Variants in IL17RA observed in about 807,000 individuals in gnomAD.
The protein encoded by IL17RA is interleukin-17 receptor A.
IL17RA carries 34 observed loss-of-function variants against 50.4 expected under a neutral mutation model. That is an observed-to-expected ratio of 0.67 (90% CI 0.51 to 0.90). IL17RA has a LOEUF of 0.90. Ranked by LOEUF, IL17RA falls within the 40% of genes least tolerant of loss-of-function variation. The pLI is 0.00. For synonymous variants in IL17RA, 585 were observed against 510.4 expected, an observed-to-expected ratio of 1.15 and a Z score of -1.97; for missense variants, 1,276 against 1,169.8, an observed-to-expected ratio of 1.09 and a Z score of -1.32.
intron 4 of IL17RA, among the ~76,000 whole-genome samples, chr22:17,099,278 G>A (rs2061381195): frequency 1.3e-5 from 2 of 152,138 alleles, no homozygotes; most frequent in African/African-American, 4.8e-5. Flanking sequence ...CCTTCAGGAA[G>A]AAAAAACCGC....
chr22:17,094,677 C>CTATA (rs1568917424), intron 1 of IL17RA, among the ~76,000 whole-genome samples: 2 of 49,346 alleles, frequency 4.1e-5, no homozygotes, highest in African/African-American at 2.0e-4. Context: ...CTCTCTCTCT[C>CTATA]TCTCTCTCTC....
At position 17,108,656 on chromosome 22, in the gene IL17RA, C is replaced by G. The variant is rs1432571501; in HGVS notation, c.1437C>G (p.Phe479Leu). Residue 479 changes from phenylalanine to leucine, a missense_variant, in exon 13 of 13, where the codon TTC (phenylalanine) becomes TTG (leucine). Phe to Leu is a conservative substitution (Grantham distance 22, BLOSUM62 0). Coordinates refer to ENST00000319363, the MANE Select transcript of IL17RA (RefSeq NM_014339.7). Reference sequence around the variant, plus strand: ...ACGGAAAGCCCGTGGGGGACCTGTTCACTGCAGCCATGAACATGATCCTCC... The same window carrying G: ...ACGGAAAGCCCGTGGGGGACCTGTTGACTGCAGCCATGAACATGATCCTCC... ...CDHGKPVGDL[F>L]TAAMNMILPD... The G allele has an allele frequency of 6.2e-7, 1 of 1,607,320 alleles. No homozygotes were observed. Among genetic ancestry groups the G allele is most frequent in the Non-Finnish European group, 8.5e-7 (1 of 1,179,790 alleles).
chr22:17,095,756 T>TG (rs56399754), intron 1 of IL17RA, among the ~76,000 whole-genome samples: 12,854 of 152,058 alleles, frequency 0.085, 722 homozygotes, highest in East Asian at 0.27. Flanking sequence ...AGCCCCCTAG[T>TG]GGGGTGGTGA....
chr22:17,092,060 C>T (rs748994922), intron 1 of IL17RA, among the ~76,000 whole-genome samples: 1 of 152,100 alleles, frequency 6.6e-6, no homozygotes, highest in Non-Finnish European at 1.5e-5. Flanking sequence ...CGTTTAGCCC[C>T]ACCCCTTTAC....
In IL17RA at chr22:17,109,555, A is replaced by G. The variant is rs756023403; in HGVS notation, c.2336A>G (p.His779Arg). ...SRPAMVLTDP[H>R]TPYEEEQRQS... Reference sequence around the variant, plus strand: ...CCCGCCATGGTCCTCACAGACCCACACACGCCCTACGAGGAGGAGCAGCGG... The same window carrying G: ...CCCGCCATGGTCCTCACAGACCCACGCACGCCCTACGAGGAGGAGCAGCGG... The change falls in exon 13 of 13, where the codon CAC becomes CGC. Residue 779 changes from histidine to arginine, a missense_variant. Transcript: ENST00000319363. 1 of 1,599,648 alleles carries G rather than the reference A, an allele frequency of 6.3e-7. No homozygotes were observed. Among genetic ancestry groups the G allele is most frequent in the Non-Finnish European group, 8.5e-7 (1 of 1,173,134 alleles).
chr22:17,094,669 C>CTATATATATATATATATATGTGTGTG (rs2061360235), intron 1 of IL17RA, among the ~76,000 whole-genome samples: 1 of 24,234 alleles, frequency 4.1e-5, no homozygotes, highest in Non-Finnish European at 9.6e-5. Context: ...CTCTCTCTCT[C>CTATATATATATATATATATGTGTGTG]TCTCTCTCTC....
chr22:17,109,903 C>A lies in IL17RA; in HGVS notation c.*83C>A. The A allele has an allele frequency of 8.0e-7, 1 of 1,251,476 alleles. No homozygotes were observed. The highest frequency in any genetic ancestry group is 1.1e-6 in the Non-Finnish European group (1 of 895,322). The allele number at this position is 1,251,476 out of a possible 1,614,324, so 77.5% of individuals were successfully genotyped here. On this transcript the variant is annotated 3_prime_UTR_variant, in exon 13 of 13. Coordinates refer to ENST00000319363, the MANE Select transcript of IL17RA (RefSeq NM_014339.7). ...GTATTCATCTGTGTGTACATGTCTG[C>A]ATGTGTATATGTTCGTGTGTGAAAT...
In IL17RA at chr22:17,102,175, T is replaced by C; in HGVS notation, c.635T>C (p.Leu212Pro). The C allele has an allele frequency of 6.2e-7, 1 of 1,614,166 alleles. No homozygotes were observed. The highest frequency in any genetic ancestry group is 1.3e-5 in the African/African-American group (1 of 75,040). ...LWDPNITVET[L>P]EAHQLRVSFT... is the part of the protein sequence containing the mutation. Reference sequence around the variant, plus strand: ...GACCCCAACATCACCGTGGAGACCCTGGAGGCCCACCAGCTGCGTGTGAGC... The same window carrying C: ...GACCCCAACATCACCGTGGAGACCCCGGAGGCCCACCAGCTGCGTGTGAGC... The change falls in exon 7 of 13, where the codon CTG becomes CCG. Residue 212 changes from leucine to proline, a missense_variant. Leu to Pro is a moderately conservative substitution (Grantham distance 98). Transcript: ENST00000319363.
chr22:17,096,994 G>T, intron 1 of IL17RA, 68 bp from the exon 2 acceptor site: 1 of 1,379,980 alleles, frequency 7.2e-7, no homozygotes, highest in Non-Finnish European at 1.0e-6. Context: ...CCAGTGGAGA[G>T]CATCTGGCCC....
rs41383449 is a variant in IL17RA, at chr22:17,100,238, T to C, written c.424-117T>C. On this transcript the variant is annotated intron_variant, in intron 4 of 12. Transcript: ENST00000319363. ...CCTTGGATTTTGCTGTGGTTGTTGC[T>C]TTGTTCTTATTTTTGGCTGAATATT... 5,808 of 1,287,544 alleles carry C rather than the reference T, an allele frequency of 4.5e-3. 192 individuals are homozygous for C. The African/African-American group carries it at 0.075, about 17-fold the overall frequency. 79.8% of individuals were successfully genotyped at this position (1,287,544 alleles called of 1,614,324 possible).
intron 1 of IL17RA, among the ~76,000 whole-genome samples, chr22:17,092,006 TG>T (rs1275018473): frequency 6.6e-6 from 1 of 152,200 alleles, no homozygotes; most frequent in Non-Finnish European, 1.5e-5. Context: ...AGCTTCAGGA[TG>T]GGGGCTGGTC....
rs182278057 is a variant in IL17RA at position 17,087,875 on chromosome 22, A to G, written c.138+2646A>G. Among the ~76,000 whole-genome samples, 16 of 152,326 alleles carry G rather than the reference A, an allele frequency of 1.1e-4. No individual in the cohort carries two copies. The East Asian group carries it at 3.1e-3, about 29-fold the overall frequency. On this transcript the variant is annotated intron_variant, in intron 1 of 12. Coordinates refer to ENST00000319363, the MANE Select transcript of IL17RA (RefSeq NM_014339.7). ...ATAGACAGGATGTGTATTTCATTAC[A>G]GAGTCTTTTTTCCTGAGCGTTTGCG...
At chr22:17,104,451 CAG>C (rs1335792196) in intron 8 of IL17RA, among the ~76,000 whole-genome samples, 1 of 151,988 alleles carries the variant, frequency 6.6e-6, no homozygotes, top group East Asian at 1.9e-4. Context: ...TGCTGGTGGA[CAG>C]GGGAAAGCTT....
intron 1 of IL17RA, among the ~76,000 whole-genome samples, chr22:17,087,859 A>T (rs1205510486): frequency 2.6e-5 from 4 of 152,200 alleles, no homozygotes; most frequent in Non-Finnish European, 4.4e-5. Flanking sequence ...CATAGACAGG[A>T]TGTGTATTTC....
chr22:17,107,913 C>T, intron 12 of IL17RA, 145 bp downstream of exon 12: 1 of 735,232 alleles, frequency 1.4e-6, no homozygotes, highest in South Asian at 1.5e-5. Flanking sequence ...CAGTACCCCA[C>T]TCAGAAGGGC....
Position 17,109,412 on chromosome 22 carries a change from C to T in IL17RA, c.2193C>T (p.Ser731=). The change falls in exon 13 of 13, where the codon AGC becomes AGT. Residue 731 remains serine, a synonymous_variant. Transcript: ENST00000319363. ...CCGAGGACTCGCCCCTTGGCAGCAG[C>T]ACCCCCATGGCGTCTCCTGACCTCC... ...VDPEDSPLGS[S]TPMASPDLLP... The T allele has an allele frequency of 1.2e-6, 2 of 1,613,258 alleles. No homozygotes were observed. The highest frequency in any genetic ancestry group is 1.7e-6 in the Non-Finnish European group (2 of 1,179,964).
intron 9 of IL17RA, among the ~76,000 whole-genome samples, 191 bp downstream of exon 9, chr22:17,105,001 G>C (rs143256657): frequency 1.3e-3 from 194 of 152,284 alleles, no homozygotes; most frequent in African/African-American, 4.5e-3. Context: ...ACTCCTGGCT[G>C]TCTTTCATTA....
intron 1 of IL17RA, among the ~76,000 whole-genome samples, 157 bp from the exon 2 acceptor site, chr22:17,096,905 A>G (rs1379724406): frequency 2.7e-5 from 4 of 149,466 alleles, no homozygotes; most frequent in South Asian, 2.1e-4. Context: ...TCCCTTTGCC[A>G]TCCCCTGGAC....
chr22:17,094,668 T>TCTCTCTCTCTCTCTCCCC (rs1568917386), intron 1 of IL17RA, among the ~76,000 whole-genome samples: 2 of 34,400 alleles, frequency 5.8e-5, no homozygotes, highest in African/African-American at 1.9e-4. Flanking sequence ...TCTCTCTCTC[T>TCTCTCTCTCTCTCTCCCC]CTCTCTCTCT....
Sources: allele counts gnomAD v4.1 joint callset (sites outside exome capture counted in the v4.1 genomes callset), GRCh38; gene constraint gnomAD v4.1.1; transcripts MANE v1.5; gene names NCBI Gene and HGNC (gene_info 2026-07-23, HGNC 2026-07-21).